Variants in IFT43 observed in about 807,000 individuals in gnomAD.
The protein encoded by IFT43 is intraflagellar transport protein 43 homolog.
Under a neutral mutation model 32.3 loss-of-function variants are expected in IFT43, and 33 were observed. The observed-to-expected ratio is 1.02, with a 90% confidence interval of 0.77 to 1.37. The LOEUF (loss-of-function observed/expected upper bound fraction) is 1.37, where lower values mean the gene tolerates loss of function less well. Ranked by LOEUF, IFT43 falls within the 40% of genes most tolerant of loss-of-function variation. The pLI is 0.00. For synonymous variants in IFT43, 93 were observed against 98.2 expected (o/e 0.95, Z 0.31); for missense variants, 274 against 265.9 (o/e 1.03, Z -0.21).
chr14:76,024,593 G>A (rs988468412), intron 3 of IFT43, among the ~76,000 whole-genome samples: 4 of 152,224 alleles, frequency 2.6e-5, no homozygotes, highest in African/African-American at 9.6e-5. Flanking sequence ...TACATAGCTT[G>A]TTGCTGCAAT....
intron 3 of IFT43, among the ~76,000 whole-genome samples, chr14:76,043,249 A>C (rs1187174900): frequency 1.3e-5 from 2 of 152,248 alleles, no homozygotes; most frequent in Non-Finnish European, 2.9e-5. Flanking sequence ...GTTGACAAGC[A>C]TTGAGGAAGG....
intron 2 of IFT43, among the ~76,000 whole-genome samples, chr14:76,008,217 G>A (rs1287390679): frequency 2.0e-5 from 3 of 152,110 alleles, no homozygotes; most frequent in Admixed American, 1.3e-4. Context: ...TCTCTTCAGG[G>A]AAGCTGGAAT....
intron 3 of IFT43, among the ~76,000 whole-genome samples, chr14:76,040,303 A>G (rs896348667): frequency 6.6e-6 from 1 of 152,210 alleles, no homozygotes; most frequent in African/African-American, 2.4e-5. Flanking sequence ...CTGTCTCAGT[A>G]AAAGTAATGA....
intron 3 of IFT43, 71 bp from the exon 4 acceptor site, chr14:76,058,571 C>T: frequency 6.3e-7 from 1 of 1,593,800 alleles, no homozygotes; most frequent in East Asian, 2.2e-5. Flanking sequence ...TTGAAACCTT[C>T]CTCAAGATAC....
At chr14:76,028,579 A>G (rs1311252658) in intron 3 of IFT43, among the ~76,000 whole-genome samples, 2 of 152,100 alleles carry the variant, frequency 1.3e-5, no homozygotes, top group Admixed American at 6.5e-5. Flanking sequence ...GACAGTGAGC[A>G]CAGTACCCAA....
intron 2 of IFT43, among the ~76,000 whole-genome samples, chr14:76,010,605 C>G (rs2036064953): frequency 6.6e-6 from 1 of 151,724 alleles, no homozygotes; most frequent in African/African-American, 2.4e-5. Context: ...ATGTTTTATA[C>G]ATAATTTTTT....
At chr14:76,076,502 G>T (rs1485443974) in intron 5 of IFT43, 2 of 1,562,474 alleles carry the variant, frequency 1.3e-6, no homozygotes, top group East Asian at 4.6e-5. Context: ...CTCCCTGCTG[G>T]AGTTAGATTT....
rs2037086320 is a variant in IFT43 at position 76,059,313 on chromosome 14, T to C, written c.249-14T>C. 6.2e-7 allele frequency: 1 copy of C among 1,613,778 alleles called. No homozygotes were observed. Among genetic ancestry groups the C allele is most frequent in the African/African-American group, 1.3e-5 (1 of 75,060 alleles). ...CTCATTTTTTGCTGTCCTTTTCTTC[T>C]TTTTTGGGGGCAGTTTCCGCCTCAG... On this transcript the variant is annotated splice_polypyrimidine_tract_variant and intron_variant, in intron 4 of 8. Coordinates refer to ENST00000314067, the MANE Select transcript of IFT43 (RefSeq NM_001102564.3).
At chr14:76,071,381 T>C (rs1259232542) in intron 5 of IFT43, among the ~76,000 whole-genome samples, 1 of 152,256 alleles carries the variant, frequency 6.6e-6, no homozygotes, top group African/African-American at 2.4e-5. Context: ...ACACAGTGAT[T>C]CTCACCATCT....
At chr14:75,986,078 C>T (rs1271442544) in intron 1 of IFT43, 6 of 1,480,604 alleles carry the variant, frequency 4.1e-6, no homozygotes, top group East Asian at 2.7e-5. Flanking sequence ...CTGTCCCCGC[C>T]GGCGTCTAGG....
At chr14:76,061,062 T>C (rs1453859860) in intron 5 of IFT43, among the ~76,000 whole-genome samples, 1 of 151,946 alleles carries the variant, frequency 6.6e-6, no homozygotes, top group Non-Finnish European at 1.5e-5. Flanking sequence ...CCACCACACC[T>C]GGCTAATTTG....
intron 5 of IFT43, chr14:76,059,743 C>T (rs1013470592): frequency 1.5e-5 from 5 of 340,912 alleles, no homozygotes; most frequent in African/African-American, 4.3e-5. Context: ...TTGACTATAT[C>T]CCAAGCACTG....
intron 2 of IFT43, among the ~76,000 whole-genome samples, chr14:76,003,545 G>A (rs1415455727): frequency 6.6e-6 from 1 of 151,484 alleles, no homozygotes; most frequent in African/African-American, 2.4e-5. Context: ...AGAATTGCTT[G>A]AACTGTGACC....
At position 75,989,038 on chromosome 14, in the gene IFT43, A is replaced by G. The variant is rs374662197; in HGVS notation, c.147+61A>G. On this transcript the variant is annotated intron_variant, in intron 2 of 8. Coordinates refer to ENST00000314067, the MANE Select transcript of IFT43 (RefSeq NM_001102564.3). Reference sequence around the variant, plus strand: ...CTGTTTAAGAGTTAGTGATTCCTTAATGACCAAGGATTTGGTATTCCATAT... The same window carrying G: ...CTGTTTAAGAGTTAGTGATTCCTTAGTGACCAAGGATTTGGTATTCCATAT... The G allele has an allele frequency of 1.1e-3, 1,745 of 1,586,952 alleles. 4 individuals are homozygous for G. Among genetic ancestry groups the G allele is most frequent in the Non-Finnish European group, 1.3e-3 (1,503 of 1,160,848 alleles).
chr14:76,053,383 G>A lies in IFT43; in HGVS notation c.216-5259G>A, dbSNP rs539667550. On this transcript the variant is annotated intron_variant, in intron 3 of 8. Transcript: ENST00000314067. ...CTGAGCCAGGCAGGAGAGGCTAAGC[G>A]TAGGTCAGAGAGAAGCTGGGATGAA... is the stretch of plus-strand genomic sequence containing the variant. Among the ~76,000 whole-genome samples, 17 of 152,200 alleles carry A rather than the reference G, an allele frequency of 1.1e-4. No homozygotes were observed. The South Asian group carries it at 2.9e-3, about 26-fold the overall frequency.
intron 2 of IFT43, among the ~76,000 whole-genome samples, chr14:76,020,627 A>T (rs2036272455): frequency 1.3e-5 from 2 of 152,168 alleles, no homozygotes; most frequent in Non-Finnish European, 2.9e-5. Context: ...AGCTGTAATC[A>T]GCATCAGTGG....
chr14:76,082,438 G>A, intron 6 of IFT43, 71 bp downstream of exon 6: 1 of 1,151,462 alleles, frequency 8.7e-7, no homozygotes, highest in African/African-American at 1.5e-5. Context: ...ATCATCTATA[G>A]TGGACCTTGA....
At chr14:76,077,473 A>G (rs1234664824) in intron 5 of IFT43, among the ~76,000 whole-genome samples, 2 of 152,040 alleles carry the variant, frequency 1.3e-5, no homozygotes, top group Admixed American at 1.3e-4. Flanking sequence ...GTTGTTCCTA[A>G]TTTTTCCAGT....
intron 3 of IFT43, among the ~76,000 whole-genome samples, chr14:76,046,960 T>C (rs2036818710): frequency 6.6e-6 from 1 of 152,150 alleles, no homozygotes; most frequent in African/African-American, 2.4e-5. Flanking sequence ...GCAGATTCAG[T>C]GTCTGGTGAG....
Sources: allele counts gnomAD v4.1 joint callset (sites outside exome capture counted in the v4.1 genomes callset), GRCh38; gene constraint gnomAD v4.1.1; transcripts MANE v1.5; gene names NCBI Gene and HGNC (gene_info 2026-07-23, HGNC 2026-07-21).